Variants in SIL1 observed in about 807,000 individuals in gnomAD.
SIL1 encodes SIL1 nucleotide exchange factor.
Under a neutral mutation model 49.1 loss-of-function variants are expected in SIL1, and 40 were observed. The ratio of observed to expected loss-of-function variants is 0.81; its 90% CI spans 0.63 to 1.06. The LOEUF (loss-of-function observed/expected upper bound fraction) is 1.06, where lower values mean the gene tolerates loss of function less well. Ranked by LOEUF, SIL1 falls within the 50% of genes least tolerant of loss-of-function variation. The pLI is 0.00. For missense variants in SIL1, 500 were observed against 572.6 expected, an observed-to-expected ratio of 0.87 and a Z score of 1.29; for synonymous variants, 253 against 250.8, an observed-to-expected ratio of 1.01 and a Z score of -0.08.
chr5:139,125,705 C>T lies in SIL1; in HGVS notation c.105+2034G>A, dbSNP rs138201908. Among the ~76,000 whole-genome samples the T allele has an allele frequency of 7.9e-5, 12 of 152,284 alleles. No homozygotes were observed. The East Asian group carries it at 2.1e-3, about 27-fold the overall frequency. On this transcript the variant is annotated intron_variant, in intron 2 of 9. Transcript: ENST00000394817. ...CTGTTTTACAGATTAGGAAACAAAG[C>T]TCAGAAAGGGTCAAATTGCCAAAGT... is the stretch of plus-strand genomic sequence containing the variant.
At position 139,098,156 on chromosome 5, in the gene SIL1, A is replaced by G. The variant is rs147869818; in HGVS notation, c.244+22879T>C. Among the ~76,000 whole-genome samples the G allele has an allele frequency of 4.0e-3, 615 of 152,316 alleles. 5 individuals carry two copies. The highest frequency in any genetic ancestry group is 0.025 in the East Asian group (130 of 5,182). ...GCCAAAGCTATTCTTAGCAAAAAGA[A>G]CAAAACTGGAGGAATCACATTACCT... On this transcript the variant is annotated intron_variant, in intron 3 of 9. Transcript: ENST00000394817.
intron 7 of SIL1, among the ~76,000 whole-genome samples, chr5:138,973,972 T>C (rs574970408): frequency 5.9e-5 from 9 of 152,258 alleles, no homozygotes; most frequent in African/African-American, 1.7e-4. Flanking sequence ...TATGAATGGA[T>C]CACGCTTCTA....
At chr5:139,060,953 G>C (rs1333765248) in intron 3 of SIL1, among the ~76,000 whole-genome samples, 1 of 152,196 alleles carries the variant, frequency 6.6e-6, no homozygotes, top group Non-Finnish European at 1.5e-5. Flanking sequence ...TAGGAGCCAT[G>C]TCAAATGCCC....
rs1226514767 is a variant in SIL1 at position 139,125,764 on chromosome 5, C to T, written c.105+1975G>A. 5.3e-5 allele frequency among the ~76,000 whole-genome samples: 8 copies of T among 152,104 alleles called. No individual in the cohort carries two copies. In the South Asian group the frequency reaches 8.3e-4, roughly 16 times the overall value. Reference sequence around the variant, plus strand: ...AAAGGGATCTTACGAAGGGCCTGTGCGCCTTCCACAAGGCTCCACTACTGT... The same window carrying T: ...AAAGGGATCTTACGAAGGGCCTGTGTGCCTTCCACAAGGCTCCACTACTGT... On this transcript the variant is annotated intron_variant, in intron 2 of 9. Coordinates refer to ENST00000394817, the MANE Select transcript of SIL1 (RefSeq NM_022464.5).
chr5:138,950,248 C>T (rs576788185), intron 9 of SIL1, among the ~76,000 whole-genome samples: 2 of 152,366 alleles, frequency 1.3e-5, no homozygotes, highest in South Asian at 4.1e-4. Context: ...AGAACCTGAA[C>T]TGTGCCCAGG....
chr5:139,169,830 TC>T (rs1285565169), intron 1 of SIL1, among the ~76,000 whole-genome samples: 3 of 92,782 alleles, frequency 3.2e-5, no homozygotes, highest in South Asian at 4.4e-4. Context: ...CTCTCCCCTC[TC>T]CCCTCTCCCT....
intron 7 of SIL1, among the ~76,000 whole-genome samples, chr5:139,003,559 A>G (rs961935513): frequency 7.9e-5 from 12 of 152,240 alleles, no homozygotes; most frequent in African/African-American, 2.9e-4. Context: ...AATAACGTAC[A>G]CAAGTTTTAC....
chr5:139,069,770 A>G (rs1769787440), intron 3 of SIL1, among the ~76,000 whole-genome samples: 1 of 152,214 alleles, frequency 6.6e-6, no homozygotes, highest in South Asian at 2.1e-4. Flanking sequence ...ATAAGCAAAA[A>G]TCAGCAAGTA....
chr5:139,092,682 A>G (rs1456254375), intron 3 of SIL1, among the ~76,000 whole-genome samples: 1 of 152,200 alleles, frequency 6.6e-6, no homozygotes, highest in African/African-American at 2.4e-5. Context: ...GAACATGAAA[A>G]CAACAGGAGA....
intron 4 of SIL1, among the ~76,000 whole-genome samples, chr5:139,045,986 C>T (rs1307801350): frequency 2.0e-5 from 3 of 152,242 alleles, no homozygotes; most frequent in East Asian, 3.8e-4. Flanking sequence ...TGTCCACCTT[C>T]AATCTCATCT....
intron 1 of SIL1, among the ~76,000 whole-genome samples, chr5:139,153,903 A>C (rs1751356344): frequency 6.6e-6 from 1 of 152,172 alleles, no homozygotes; most frequent in African/African-American, 2.4e-5. Flanking sequence ...CCTCATTCTT[A>C]CAGACAGAAA....
At chr5:139,082,088 G>A (rs1355872595) in intron 3 of SIL1, among the ~76,000 whole-genome samples, 1 of 152,142 alleles carries the variant, frequency 6.6e-6, no homozygotes, top group Non-Finnish European at 1.5e-5. Context: ...ACATCATCTT[G>A]TTTAATTTTC....
At chr5:138,971,380 A>G (rs962073934) in intron 7 of SIL1, among the ~76,000 whole-genome samples, 41 of 152,240 alleles carry the variant, frequency 2.7e-4, no homozygotes, top group Admixed American at 2.2e-3. Context: ...TTGTACTTCT[A>G]AAAGCAGCCC....
At chr5:139,160,743 T>C (rs1251589855) in intron 1 of SIL1, among the ~76,000 whole-genome samples, 2 of 151,846 alleles carry the variant, frequency 1.3e-5, no homozygotes, top group African/African-American at 4.8e-5. Flanking sequence ...GACAGGAGAA[T>C]TGCTTGAACC....
chr5:139,072,831 C>A (rs1450331173), intron 3 of SIL1, among the ~76,000 whole-genome samples: 1 of 151,966 alleles, frequency 6.6e-6, no homozygotes, highest in Non-Finnish European at 1.5e-5. Flanking sequence ...GATAAATACC[C>A]AAAATAAATA....
chr5:139,126,202 A>C (rs762707423), intron 2 of SIL1, among the ~76,000 whole-genome samples: 1 of 152,250 alleles, frequency 6.6e-6, no homozygotes, highest in Non-Finnish European at 1.5e-5. Context: ...GATTATGACA[A>C]ATGGATACAG....
At chr5:139,087,951 C>A (rs1470333029) in intron 3 of SIL1, among the ~76,000 whole-genome samples, 3 of 152,154 alleles carry the variant, frequency 2.0e-5, no homozygotes, top group Admixed American at 6.5e-5. Flanking sequence ...GTGCTCACTC[C>A]CTCCCTCCTC....
intron 1 of SIL1, among the ~76,000 whole-genome samples, chr5:139,158,652 C>CA (rs968537242): frequency 1.3e-5 from 2 of 151,616 alleles, no homozygotes; most frequent in Non-Finnish European, 2.9e-5. Context: ...GGGAGAAAAC[C>CA]AAAAAGTAAT....
chr5:139,172,646 AAGAC>A (rs1354953626), intron 1 of SIL1, among the ~76,000 whole-genome samples: 27 of 151,884 alleles, frequency 1.8e-4, no homozygotes, highest in African/African-American at 5.8e-4. Context: ...AAAAAAAAAA[AAGAC>A]AGACAAAGAC....
Sources: allele counts gnomAD v4.1 joint callset (sites outside exome capture counted in the v4.1 genomes callset), GRCh38; gene constraint gnomAD v4.1.1; transcripts MANE v1.5; gene names NCBI Gene and HGNC (gene_info 2026-07-23, HGNC 2026-07-21).